Variants in NOL4 observed in about 807,000 individuals in gnomAD.
NOL4 encodes cancer/testis antigen 125.
A neutral mutation model predicts 75.9 loss-of-function variants in NOL4; 17 were observed. The observed-to-expected ratio is 0.22, with a 90% CI of 0.15 to 0.34. NOL4 has a LOEUF of 0.34. Ranked by LOEUF, NOL4 falls within the 10% of genes least tolerant of loss-of-function variation. The probability of loss-of-function intolerance (pLI) is 1.00; values close to 1 mark genes in which losing one functional copy is unlikely to be tolerated. For synonymous variants in NOL4, 292 were observed against 289.9 expected, an observed-to-expected ratio of 1.01 and a Z score of -0.07; for missense variants, 614 against 793.5, an observed-to-expected ratio of 0.77 and a Z score of 2.72.
intron 1 of NOL4, among the ~76,000 whole-genome samples, chr18:34,157,709 G>A (rs1458039056): frequency 6.6e-6 from 1 of 152,082 alleles, no homozygotes; most frequent in East Asian, 1.9e-4. Flanking sequence ...AGGTCAGAGA[G>A]CACAAGAAGA....
At chr18:33,874,397 C>T (rs1221296050) in intron 10 of NOL4, among the ~76,000 whole-genome samples, 2 of 151,800 alleles carry the variant, frequency 1.3e-5, no homozygotes, top group Non-Finnish European at 2.9e-5. Flanking sequence ...TATTGTGCTC[C>T]TTAGGGTATT....
chr18:33,858,700 C>T (rs1599643605), intron 10 of NOL4, among the ~76,000 whole-genome samples: 2 of 152,096 alleles, frequency 1.3e-5, no homozygotes, highest in African/African-American at 4.8e-5. Flanking sequence ...AGTACTTTCT[C>T]CTCTTTTATC....
intron 10 of NOL4, among the ~76,000 whole-genome samples, chr18:33,877,437 T>TAACAAAAAAAA (rs1555641396): frequency 1.9e-5 from 2 of 106,240 alleles, no homozygotes; most frequent in African/African-American, 7.0e-5. Context: ...GACCTTGCCT[T>TAACAAAAAAAA]AAAAAAAAAA....
At chr18:34,211,817 A>C (rs761861357) in intron 1 of NOL4, among the ~76,000 whole-genome samples, 3 of 152,202 alleles carry the variant, frequency 2.0e-5, no homozygotes, top group Admixed American at 6.5e-5. Flanking sequence ...CGTAGAGAGG[A>C]GAGACTAATT....
intron 4 of NOL4, among the ~76,000 whole-genome samples, chr18:34,094,753 G>A (rs2078691790): frequency 6.6e-6 from 1 of 152,172 alleles, no homozygotes; most frequent in African/African-American, 2.4e-5. Context: ...TGCTATTTAT[G>A]TTGCACACGT....
chr18:34,019,462 C>G lies in NOL4; in HGVS notation c.912G>C (p.Leu304=), dbSNP rs763016705. The change falls in exon 6 of 11, where the codon CTG becomes CTC. Residue 304 remains leucine, a synonymous_variant. Transcript: ENST00000261592. ...CAGAGAGGGGACTGTCACTCAGGTTCAGTGGCTGTTCATCTTGCTCCAGCC... is the reference window on the plus strand; with the variant it reads ...CAGAGAGGGGACTGTCACTCAGGTTGAGTGGCTGTTCATCTTGCTCCAGCC... ...KTGLEQDEQP[L]NLSDSPLSAQ... The G allele has an allele frequency of 6.2e-7, 1 of 1,614,024 alleles. No homozygotes were observed.
chr18:34,101,910 T>C (rs2079059586), intron 4 of NOL4, among the ~76,000 whole-genome samples: 1 of 152,102 alleles, frequency 6.6e-6, no homozygotes, highest in Non-Finnish European at 1.5e-5. Flanking sequence ...TAAGACTCTA[T>C]ATAACTTGGC....
In NOL4 at chr18:34,223,231, T is replaced by C. The variant is rs1600927807; in HGVS notation, c.23A>G (p.Tyr8Cys). MESERDMYRQFQDWCLRT... is the reference protein window; with the variant it reads MESERDMCRQFQDWCLRT... ...GAGGCACCAGTCCTGGAACTGGCGG[T>C]ACATGTCGCGCTCGCTCTCCATGTT... The change falls in exon 1 of 11, where the codon TAC becomes TGC. Residue 8 changes from tyrosine to cysteine, a missense_variant. This residue lies in a region of NOL4 where 15 missense variants were observed against 18.2 expected (regional missense o/e 0.83). Coordinates refer to ENST00000261592, the MANE Select transcript of NOL4 (RefSeq NM_003787.5). 2 of 1,613,892 alleles carry C rather than the reference T, an allele frequency of 1.2e-6. No individual in the cohort carries two copies. The highest frequency in any genetic ancestry group is 3.3e-5 in the Admixed American group (2 of 60,010).
At chr18:33,861,868 C>G (rs2063153552) in intron 10 of NOL4, among the ~76,000 whole-genome samples, 1 of 151,930 alleles carries the variant, frequency 6.6e-6, no homozygotes, top group African/African-American at 2.4e-5. Flanking sequence ...AGATTCAATG[C>G]CATCCCCATC....
chr18:34,076,568 G>T (rs1012946267), intron 5 of NOL4, among the ~76,000 whole-genome samples: 45 of 152,248 alleles, frequency 3.0e-4, no homozygotes, highest in African/African-American at 1.1e-3. Flanking sequence ...GCAGTTGCAG[G>T]AGACCCTCAG....
chr18:33,936,084 T>G (rs1223903087), intron 9 of NOL4, among the ~76,000 whole-genome samples: 1 of 152,148 alleles, frequency 6.6e-6, no homozygotes, highest in Non-Finnish European at 1.5e-5. Flanking sequence ...GACACAAAAC[T>G]GCAGAATTAA....
chr18:33,986,514 C>T lies in NOL4; in HGVS notation c.1057-28096G>A, dbSNP rs956696169. On this transcript the variant is annotated intron_variant, in intron 6 of 10. Transcript: ENST00000261592. The stretch of plus-strand genomic sequence containing the variant: ...ATCAGCACAAAATTTCACCACACTA[C>T]TGAGGACAAAGAATGGTTTAAAACT... Among the ~76,000 whole-genome samples, 6 of 152,102 alleles carry T rather than the reference C, an allele frequency of 3.9e-5. No homozygotes were observed. The East Asian group carries it at 9.7e-4, about 24-fold the overall frequency.
At chr18:34,170,556 G>T (rs907995557) in intron 1 of NOL4, among the ~76,000 whole-genome samples, 2 of 152,098 alleles carry the variant, frequency 1.3e-5, no homozygotes, top group Non-Finnish European at 2.9e-5. Context: ...CTGATAACAT[G>T]TTGAAATGGT....
At chr18:34,121,912 G>A (rs1178597665) in intron 2 of NOL4, among the ~76,000 whole-genome samples, 1 of 152,072 alleles carries the variant, frequency 6.6e-6, no homozygotes, top group Non-Finnish European at 1.5e-5. Context: ...GGAGTACTTG[G>A]GACAATGCCA....
At chr18:34,077,471 ATG>A in intron 5 of NOL4, among the ~76,000 whole-genome samples, 1 of 152,072 alleles carries the variant, frequency 6.6e-6, no homozygotes, top group Non-Finnish European at 1.5e-5. Context: ...ACATATAAAA[ATG>A]TGTATATATC....
chr18:34,223,418 G>T lies in NOL4; in HGVS notation c.-165C>A. 1.1e-6 allele frequency: 1 copy of T among 916,698 alleles called. No homozygotes were observed. Among genetic ancestry groups the T allele is most frequent in the Non-Finnish European group, 1.6e-6 (1 of 623,318 alleles). 56.8% of individuals were successfully genotyped at this position (916,698 alleles called of 1,614,324 possible). ...GAAGGGATGGGAAGAGGGGAGGAGG[G>T]TCCGGTTGGGCACCAGCAATCAATG... On this transcript the variant is annotated 5_prime_UTR_variant, in exon 1 of 11. Coordinates refer to ENST00000261592, the MANE Select transcript of NOL4 (RefSeq NM_003787.5).
intron 9 of NOL4, among the ~76,000 whole-genome samples, chr18:33,886,879 C>T (rs1599747492): frequency 7.3e-6 from 1 of 136,422 alleles, no homozygotes; most frequent in East Asian, 2.1e-4. Context: ...ACATATATAT[C>T]TATATATCTA....
chr18:33,990,514 G>T lies in NOL4; in HGVS notation c.1056+28804C>A, dbSNP rs553811692. Among the ~76,000 whole-genome samples the T allele has an allele frequency of 4.9e-4, 75 of 151,944 alleles. No individual in the cohort carries two copies. The South Asian group carries it at 0.014, about 29-fold the overall frequency. On this transcript the variant is annotated intron_variant, in intron 6 of 10. Coordinates refer to ENST00000261592, the MANE Select transcript of NOL4 (RefSeq NM_003787.5). Reference sequence around the variant, plus strand: ...CCCTGCCTTATTTGTGCAGTTTGTCGATTTATACTGCATGGTTGTCCAAAT... The same window carrying T: ...CCCTGCCTTATTTGTGCAGTTTGTCTATTTATACTGCATGGTTGTCCAAAT...
intron 1 of NOL4, among the ~76,000 whole-genome samples, chr18:34,159,144 T>C (rs958196021): frequency 1.3e-5 from 2 of 152,128 alleles, no homozygotes; most frequent in Non-Finnish European, 2.9e-5. Flanking sequence ...ATAGCAACGC[T>C]GGAGGGGGTG....
Sources: gnomAD v4.1 joint callset for allele counts (sites outside exome capture counted in the v4.1 genomes callset) on GRCh38, gnomAD v4.1.1 for gene constraint, gnomAD v4.1.1 regional missense constraint, MANE v1.5 for transcripts, NCBI Gene and HGNC (gene_info 2026-07-23, HGNC 2026-07-21) for gene names.